Variants in IQCM observed in about 807,000 individuals in gnomAD.
IQCM encodes IQ domain-containing protein M.
IQCM carries 45 observed loss-of-function variants against 57.6 expected under a neutral mutation model. The observed-to-expected ratio is 0.78, with a 90% CI of 0.62 to 1.00. The LOEUF (loss-of-function observed/expected upper bound fraction) is 1.00. Among genes scored for constraint, IQCM ranks in the 50% least tolerant of loss-of-function variants. The probability of loss-of-function intolerance (pLI) is 0.00; values close to 1 mark genes in which losing one functional copy is unlikely to be tolerated. For synonymous variants in IQCM, 148 were observed against 158.9 expected, an observed-to-expected ratio of 0.93 and a Z score of 0.51; for missense variants, 468 against 511.6, an observed-to-expected ratio of 0.91 and a Z score of 0.82.
chr4:149,812,480 TCA>T (rs1412777680), intron 2 of IQCM, among the ~76,000 whole-genome samples: 68 of 138,796 alleles, frequency 4.9e-4, no homozygotes, highest in South Asian at 3.3e-3. Context: ...TCTCTCTCTC[TCA>T]CACACACACA....
chr4:149,397,215 T>C (rs908234572), intron 13 of IQCM, among the ~76,000 whole-genome samples: 1 of 151,986 alleles, frequency 6.6e-6, no homozygotes, highest in Non-Finnish European at 1.5e-5. Flanking sequence ...TTAACAACTT[T>C]TTCTTTTTTT....
chr4:149,406,573 G>A (rs1732994826), intron 13 of IQCM, among the ~76,000 whole-genome samples: 1 of 152,128 alleles, frequency 6.6e-6, no homozygotes, highest in African/African-American at 2.4e-5. Context: ...TCCTAGTAAG[G>A]ACTTTAGTCT....
chr4:149,501,258 C>T (rs1351451252), intron 12 of IQCM, among the ~76,000 whole-genome samples: 1 of 152,176 alleles, frequency 6.6e-6, no homozygotes, highest in African/African-American at 2.4e-5. Context: ...GAACTAATCA[C>T]ATTGTGTGTA....
intron 2 of IQCM, among the ~76,000 whole-genome samples, chr4:149,762,299 A>C (rs1415637718): frequency 6.6e-6 from 1 of 152,044 alleles, no homozygotes; most frequent in East Asian, 1.9e-4. Flanking sequence ...GACAGGCCTC[A>C]AAAAACCATT....
chr4:149,494,062 T>C (rs1258130867), intron 12 of IQCM, among the ~76,000 whole-genome samples: 1 of 151,868 alleles, frequency 6.6e-6, no homozygotes, highest in Admixed American at 6.6e-5. Context: ...AAGGGTTTTT[T>C]TGCACTTTCC....
intron 13 of IQCM, among the ~76,000 whole-genome samples, chr4:149,409,407 T>C (rs186589442): frequency 1.3e-4 from 20 of 152,304 alleles, no homozygotes; most frequent in Non-Finnish European, 2.2e-4. Context: ...CGCTGAGTCA[T>C]AGGATGTGGC....
At chr4:149,623,718 G>GGTGT (rs3057342) in intron 7 of IQCM, among the ~76,000 whole-genome samples, 6,658 of 146,006 alleles carry the variant, frequency 0.046, 272 homozygotes, top group African/African-American at 0.12. Flanking sequence ...CTGAATCCCA[G>GGTGT]GTGTGTGTGT....
chr4:149,750,761 G>A (rs939411858), intron 2 of IQCM, among the ~76,000 whole-genome samples: 3 of 152,172 alleles, frequency 2.0e-5, no homozygotes, highest in African/African-American at 7.2e-5. Flanking sequence ...ATTCCCCGCT[G>A]AGATGTTTGG....
chr4:149,522,699 G>T (rs1745776180), intron 12 of IQCM, among the ~76,000 whole-genome samples: 1 of 151,988 alleles, frequency 6.6e-6, no homozygotes, highest in Non-Finnish European at 1.5e-5. Flanking sequence ...ATATAACACA[G>T]AAATTGAGGT....
intron 10 of IQCM, among the ~76,000 whole-genome samples, chr4:149,562,460 A>G (rs115341056): frequency 0.024 from 3,615 of 152,282 alleles, 105 homozygotes; most frequent in South Asian, 0.15. Flanking sequence ...ATCAATATAG[A>G]TAGTTACAGA....
chr4:149,411,237 C>T (rs1251663610), intron 13 of IQCM, among the ~76,000 whole-genome samples: 3 of 152,082 alleles, frequency 2.0e-5, no homozygotes. Flanking sequence ...ATCATTTTTA[C>T]ATGACTAATA....
chr4:149,642,058 G>C (rs138299534), intron 7 of IQCM, among the ~76,000 whole-genome samples: 2 of 152,218 alleles, frequency 1.3e-5, no homozygotes, highest in Non-Finnish European at 2.9e-5. Context: ...GACAGTGAAC[G>C]AGGGGGAAAA....
At chr4:149,429,963 G>A (rs1223343320) in intron 13 of IQCM, 1 of 1,207,336 alleles carries the variant, frequency 8.3e-7, no homozygotes, top group Non-Finnish European at 1.0e-6. Flanking sequence ...TTAACAAAGT[G>A]CAAATAGACT....
At chr4:149,780,734 G>C (rs1369294212) in intron 2 of IQCM, among the ~76,000 whole-genome samples, 2 of 152,014 alleles carry the variant, frequency 1.3e-5, no homozygotes, top group Admixed American at 1.3e-4. Flanking sequence ...AGGGAGTAGG[G>C]AGCAGGTCTA....
chr4:149,738,759 G>A (rs1767174354), intron 3 of IQCM, among the ~76,000 whole-genome samples: 1 of 152,072 alleles, frequency 6.6e-6, no homozygotes, highest in Admixed American at 6.6e-5. Context: ...TGGCAGTCCT[G>A]AGCCCTTGTT....
At chr4:149,366,364 C>T (rs1479531943) in intron 13 of IQCM, among the ~76,000 whole-genome samples, 1 of 151,822 alleles carries the variant, frequency 6.6e-6, no homozygotes, top group Non-Finnish European at 1.5e-5. Flanking sequence ...AACCCTATTT[C>T]AATCCTCTTT....
intron 13 of IQCM, among the ~76,000 whole-genome samples, chr4:149,431,016 C>A (rs942333970): frequency 2.6e-5 from 4 of 151,792 alleles, no homozygotes; most frequent in African/African-American, 9.7e-5. Context: ...GCCTGGCCAA[C>A]ATGGTAAAAC....
intron 12 of IQCM, among the ~76,000 whole-genome samples, chr4:149,465,952 T>A (rs899973219): frequency 1.3e-5 from 2 of 152,134 alleles, no homozygotes; most frequent in African/African-American, 4.8e-5. Context: ...GTGTCAACCT[T>A]ATTTATAATC....
chr4:149,398,829 C>G (rs1156405336), intron 13 of IQCM, among the ~76,000 whole-genome samples: 1 of 152,058 alleles, frequency 6.6e-6, no homozygotes, highest in African/African-American at 2.4e-5. Context: ...GACTCATTCT[C>G]CTGAGCAGCT....
Sources: allele counts gnomAD v4.1 joint callset (sites outside exome capture counted in the v4.1 genomes callset), GRCh38; gene constraint gnomAD v4.1.1; transcripts MANE v1.5; gene names NCBI Gene and HGNC (gene_info 2026-07-23, HGNC 2026-07-21).